Variants in TWIST2 observed in about 807,000 individuals in gnomAD.
TWIST2 encodes twist-related protein 2.
In TWIST2, 1 loss-of-function variant was observed where a neutral mutation model predicts 11.6. That is an observed-to-expected ratio of 0.09 (90% confidence interval 0.03 to 0.41). The LOEUF (loss-of-function observed/expected upper bound fraction) is 0.41, where lower values mean the gene tolerates loss of function less well. Among genes scored for constraint, TWIST2 ranks in the 10% least tolerant of loss-of-function variants. TWIST2 has a pLI of 0.98. For missense variants in TWIST2, 168 were observed against 226.4 expected, an observed-to-expected ratio of 0.74 and a Z score of 1.66; for synonymous variants, 87 against 96.6, an observed-to-expected ratio of 0.90 and a Z score of 0.58.
At chr2:238,882,664 A>C (rs1186465350) in intron 1 of TWIST2, among the ~76,000 whole-genome samples, 1 of 152,182 alleles carries the variant, frequency 6.6e-6, no homozygotes, top group Non-Finnish European at 1.5e-5. Flanking sequence ...CTGTAAAAAC[A>C]CTTAAATTCA....
chr2:238,873,778 G>A (rs560424008), intron 1 of TWIST2, among the ~76,000 whole-genome samples: 10 of 152,280 alleles, frequency 6.6e-5, no homozygotes, highest in East Asian at 1.9e-4. Context: ...CTGAGGGTAC[G>A]TTCCGGAACA....
intron 1 of TWIST2, among the ~76,000 whole-genome samples, chr2:238,892,073 GTGGACTGGAACCCGCC>G (rs1693144194): frequency 6.6e-6 from 1 of 152,176 alleles, no homozygotes; most frequent in Non-Finnish European, 1.5e-5. Flanking sequence ...GTGCCGGTGT[GTGGACTGGAACCCGCC>G]TGCAGCAGCC....
chr2:238,905,487 G>C (rs973946290), intron 1 of TWIST2, among the ~76,000 whole-genome samples: 2 of 152,128 alleles, frequency 1.3e-5, no homozygotes, highest in Non-Finnish European at 2.9e-5. Context: ...GGAGGCTCTC[G>C]GTCAAGAAGA....
At chr2:238,878,944 A>G (rs749166027) in intron 1 of TWIST2, among the ~76,000 whole-genome samples, 2 of 152,214 alleles carry the variant, frequency 1.3e-5, no homozygotes, top group African/African-American at 2.4e-5. Flanking sequence ...TAAACATACC[A>G]ATGAGGGCAT....
intron 1 of TWIST2, among the ~76,000 whole-genome samples, chr2:238,890,403 G>A (rs187889517): frequency 1.3e-5 from 2 of 152,188 alleles, no homozygotes; most frequent in African/African-American, 2.4e-5. Context: ...CTTAGGAGAC[G>A]GCCACTGAGA....
At chr2:238,906,408 G>A (rs1244724849) in intron 1 of TWIST2, among the ~76,000 whole-genome samples, 2 of 150,328 alleles carry the variant, frequency 1.3e-5, no homozygotes, top group Non-Finnish European at 3.0e-5. Flanking sequence ...GCACTTCCAC[G>A]GGAAAACACA....
At position 238,865,663 on chromosome 2, in the gene TWIST2, C is replaced by A. The variant is rs1692517099; in HGVS notation, c.*35+16930C>A. 2.6e-5 allele frequency among the ~76,000 whole-genome samples: 4 copies of A among 151,712 alleles called. No homozygotes were observed. The South Asian group carries it at 8.3e-4, about 32-fold the overall frequency. On this transcript the variant is annotated intron_variant, in intron 1 of 1. Transcript: ENST00000612363. The stretch of plus-strand genomic sequence containing the variant: ...AGTCTTTGAATTTGCAGGGCCAGGG[C>A]CAGCTGTGCCATCTGGTCTTTTGGA...
chr2:238,857,983 C>T (rs2106350919), intron 1 of TWIST2, among the ~76,000 whole-genome samples: 1 of 152,274 alleles, frequency 6.6e-6, no homozygotes, highest in East Asian at 1.9e-4. Context: ...TTACATTGGG[C>T]AGATGACAGA....
intron 1 of TWIST2, among the ~76,000 whole-genome samples, chr2:238,857,923 C>T (rs1411679121): frequency 1.3e-5 from 2 of 152,058 alleles, no homozygotes; most frequent in Non-Finnish European, 1.5e-5. Context: ...AGCGACAAAG[C>T]GAGATTTCAT....
In TWIST2 at chr2:238,866,196, G is replaced by A. The variant is rs1446351446; in HGVS notation, c.*35+17463G>A. On this transcript the variant is annotated intron_variant, in intron 1 of 1. Coordinates refer to ENST00000612363, the MANE Select transcript of TWIST2 (RefSeq NM_001271893.4). The surrounding 1 kb of genome is among the most constrained non-coding windows in gnomAD (Gnocchi z 4.9). ...ACCGCCCAGGTTCCCCATGGCACGG[G>A]CCCTGCCTGCTCTTCTGTGAGCTGC... Among the ~76,000 whole-genome samples the A allele has an allele frequency of 6.6e-6, 1 of 152,216 alleles. No individual in the cohort carries two copies. Among genetic ancestry groups the A allele is most frequent in the East Asian group, 1.9e-4 (1 of 5,190 alleles).
At chr2:238,883,722 C>A (rs1322673853) in intron 1 of TWIST2, among the ~76,000 whole-genome samples, 1 of 152,182 alleles carries the variant, frequency 6.6e-6, no homozygotes, top group Non-Finnish European at 1.5e-5. Context: ...CTCCAAGGAT[C>A]CTGAGAGGAC....
chr2:238,902,313 T>C (rs1693277031), intron 1 of TWIST2, among the ~76,000 whole-genome samples: 1 of 150,574 alleles, frequency 6.6e-6, no homozygotes, highest in African/African-American at 2.4e-5. Context: ...GTGTGTGTGA[T>C]GTGTATGTGT....
intron 1 of TWIST2, among the ~76,000 whole-genome samples, chr2:238,907,709 A>G (rs1428602629): frequency 6.6e-5 from 10 of 151,362 alleles, no homozygotes; most frequent in African/African-American, 2.4e-4. Flanking sequence ...ACACAAATGC[A>G]CACAATACAC....
At chr2:238,856,854 A>G (rs1226585579) in intron 1 of TWIST2, among the ~76,000 whole-genome samples, 6 of 152,156 alleles carry the variant, frequency 3.9e-5, no homozygotes, top group South Asian at 2.1e-4. Context: ...CACTGCTGCA[A>G]TAGTGCCACG....
chr2:238,902,580 T>C (rs1219372574), intron 1 of TWIST2, among the ~76,000 whole-genome samples: 2 of 147,050 alleles, frequency 1.4e-5, no homozygotes, highest in African/African-American at 5.1e-5. Flanking sequence ...TAATGTGAGT[T>C]GTGTGTGTTG....
At chr2:238,876,691 G>A (rs1574758624) in intron 1 of TWIST2, among the ~76,000 whole-genome samples, 1 of 152,198 alleles carries the variant, frequency 6.6e-6, no homozygotes, top group African/African-American at 2.4e-5. Flanking sequence ...CTGTGAAGAA[G>A]GTGGATTTAT....
chr2:238,881,567 T>A (rs542251505), intron 1 of TWIST2, among the ~76,000 whole-genome samples: 4 of 151,984 alleles, frequency 2.6e-5, no homozygotes, highest in African/African-American at 9.7e-5. Flanking sequence ...GCGTTAGAAT[T>A]TATTAGTATT....
intron 1 of TWIST2, among the ~76,000 whole-genome samples, chr2:238,857,753 A>G (rs913704236): frequency 1.3e-5 from 2 of 152,060 alleles, no homozygotes; most frequent in Admixed American, 1.3e-4. Flanking sequence ...CCTGACCAAC[A>G]TAGTGAAACT....
At chr2:238,879,601 C>T (rs555282147) in intron 1 of TWIST2, among the ~76,000 whole-genome samples, 73 of 152,302 alleles carry the variant, frequency 4.8e-4, no homozygotes, top group Middle Eastern at 3.4e-3. Context: ...GGAAGGCATG[C>T]GCTGCAAATC....
Sources: gnomAD v4.1 joint callset for allele counts (sites outside exome capture counted in the v4.1 genomes callset) on GRCh38, gnomAD v4.1.1 for gene constraint, Gnocchi (gnomAD v3.1) non-coding constraint, MANE v1.5 for transcripts, NCBI Gene and HGNC (gene_info 2026-07-23, HGNC 2026-07-21) for gene names.